Variants in ENTREP2 observed in about 807,000 individuals in gnomAD.
ENTREP2 encodes the protein endosomal transmembrane epsin interactor 2.
chr15:29,454,675 G>C, the ENTREP2 span, among the ~76,000 whole-genome samples: 1,650 of 152,282 alleles, frequency 0.011, 17 homozygotes, highest in Admixed American at 0.017. Context: ...TGCAGGTCCA[G>C]CCAGCAGGGG....
the ENTREP2 span, among the ~76,000 whole-genome samples, chr15:29,319,724 C>G: frequency 2.0e-5 from 3 of 152,190 alleles, no homozygotes. Context: ...ACTGGGAAAT[C>G]TGAAGAGATG....
chr15:29,507,968 A>AT, the ENTREP2 span, among the ~76,000 whole-genome samples: 2 of 152,104 alleles, frequency 1.3e-5, no homozygotes, highest in African/African-American at 4.8e-5. Context: ...CCAGGAGCAG[A>AT]TTTTTTGAAA....
At chr15:29,335,159 T>C in the ENTREP2 span, among the ~76,000 whole-genome samples, 2 of 152,156 alleles carry the variant, frequency 1.3e-5, no homozygotes, top group African/African-American at 4.8e-5. Context: ...AAGTGGTTGC[T>C]TAGTGCCACT....
the ENTREP2 span, among the ~76,000 whole-genome samples, chr15:29,519,973 G>A: frequency 7.4e-5 from 11 of 149,194 alleles, no homozygotes; most frequent in African/African-American, 2.7e-4. Flanking sequence ...TGTGACCCCC[G>A]CCCCTGCCTG....
At chr15:29,392,293 C>T in the ENTREP2 span, among the ~76,000 whole-genome samples, 6 of 152,086 alleles carry the variant, frequency 3.9e-5, no homozygotes, top group African/African-American at 1.4e-4. Flanking sequence ...TTTTAAAAAC[C>T]TTATTCTGAG....
At chr15:29,452,565 C>A in the ENTREP2 span, 1 of 151,046 alleles carries the variant, frequency 6.6e-6, no homozygotes, top group Non-Finnish European at 1.5e-5. Context: ...CAGTCACAGT[C>A]CTACCTGCCT....
the ENTREP2 span, among the ~76,000 whole-genome samples, chr15:29,507,256 G>C: frequency 6.6e-6 from 1 of 152,152 alleles, no homozygotes; most frequent in African/African-American, 2.4e-5. Flanking sequence ...GATTCATAAA[G>C]CAAGTTCTTA....
At chr15:29,271,614 ACTGCCCTGTTCTGTTTCTCT>A in the ENTREP2 span, among the ~76,000 whole-genome samples, 2 of 152,264 alleles carry the variant, frequency 1.3e-5, no homozygotes, top group Non-Finnish European at 2.9e-5. Flanking sequence ...AAAGAACAGA[ACTGCCCTGTTCTGTTTCTCT>A]CTGACCACCG....
the ENTREP2 span, among the ~76,000 whole-genome samples, chr15:29,520,173 T>C: frequency 6.6e-6 from 1 of 152,170 alleles, no homozygotes; most frequent in Non-Finnish European, 1.5e-5. Flanking sequence ...AAGGGCCAAA[T>C]GTGCATTATG....
the ENTREP2 span, among the ~76,000 whole-genome samples, chr15:29,349,500 T>C: frequency 6.6e-6 from 1 of 152,136 alleles, no homozygotes; most frequent in African/African-American, 2.4e-5. Context: ...ACAATATAAA[T>C]GATATTGCAA....
the ENTREP2 span, among the ~76,000 whole-genome samples, chr15:29,192,741 G>A: frequency 6.6e-6 from 1 of 152,236 alleles, no homozygotes; most frequent in African/African-American, 2.4e-5. Flanking sequence ...AGGGTCGGCA[G>A]TGGACTGGAC....
the ENTREP2 span, among the ~76,000 whole-genome samples, chr15:29,255,907 A>T: frequency 6.6e-6 from 1 of 151,610 alleles, no homozygotes. Context: ...ATGCTGAGGC[A>T]GGAGAATAGC....
the ENTREP2 span, among the ~76,000 whole-genome samples, chr15:29,478,477 C>T: frequency 6.6e-6 from 1 of 152,078 alleles, no homozygotes; most frequent in Admixed American, 6.6e-5. Context: ...TTGTCCCCGC[C>T]CAGATTTCAT....
the ENTREP2 span, chr15:29,124,539 G>C: frequency 3.2e-6 from 2 of 625,768 alleles, no homozygotes; most frequent in Non-Finnish European, 5.6e-6. Context: ...GGAAGAGAAA[G>C]GCCCTCAAAG....
At chr15:29,503,377 C>A in the ENTREP2 span, among the ~76,000 whole-genome samples, 78 of 152,112 alleles carry the variant, frequency 5.1e-4, no homozygotes, top group East Asian at 0.015. Flanking sequence ...TGTGAAATGT[C>A]CAGAAGAGGC....
At chr15:29,614,988 C>T in the ENTREP2 span, among the ~76,000 whole-genome samples, 1 of 152,032 alleles carries the variant, frequency 6.6e-6, no homozygotes, top group East Asian at 1.9e-4. Context: ...GAGGGAAATC[C>T]AGGCTCATAA....
chr15:29,437,689 G>A, the ENTREP2 span, among the ~76,000 whole-genome samples: 1 of 152,178 alleles, frequency 6.6e-6, no homozygotes, highest in African/African-American at 2.4e-5. Flanking sequence ...TGGATAAAAT[G>A]TGCTTGAATT....
At chr15:29,656,964 A>G in the ENTREP2 span, among the ~76,000 whole-genome samples, 1 of 152,136 alleles carries the variant, frequency 6.6e-6, no homozygotes, top group Non-Finnish European at 1.5e-5. Context: ...TCACCTTGTG[A>G]TTATGTGTCT....
At chr15:29,671,980 G>T in the ENTREP2 span, among the ~76,000 whole-genome samples, 3 of 152,064 alleles carry the variant, frequency 2.0e-5, no homozygotes, top group Non-Finnish European at 4.4e-5. Context: ...TTTACTGCAG[G>T]GATTCTTTTT....
Sources: gnomAD v4.1 joint callset for allele counts (sites outside exome capture counted in the v4.1 genomes callset) on GRCh38, gnomAD v4.1.1 for gene constraint, MANE v1.5 for transcripts, NCBI Gene and HGNC (gene_info 2026-07-23, HGNC 2026-07-21) for gene names.